Variants in RINT1 observed in about 807,000 individuals in gnomAD.
RINT1 encodes RAD50 interactor 1.
Under a neutral mutation model 97.7 loss-of-function variants are expected in RINT1, and 75 were observed. The observed-to-expected ratio is 0.77, with a 90% CI of 0.64 to 0.93. The LOEUF (loss-of-function observed/expected upper bound fraction) is 0.93, where lower values mean the gene tolerates loss of function less well. Ranked by LOEUF, RINT1 falls within the 40% of genes least tolerant of loss-of-function variation. The pLI, the probability that RINT1 is intolerant of heterozygous loss-of-function variation, is 0.00. For missense variants in RINT1, 892 were observed against 925.2 expected (o/e 0.96, Z 0.47); for synonymous variants, 303 against 326.3 (o/e 0.93, Z 0.77).
Position 105,550,404 on chromosome 7 carries a change from C to G in RINT1, c.1251C>G (p.Gly417=). 1 of 1,614,122 alleles carries G rather than the reference C, an allele frequency of 6.2e-7. No homozygotes were observed. Residue 417 remains glycine, a synonymous_variant, in exon 9 of 15, where the codon GGC becomes GGG. Coordinates refer to ENST00000257700, the MANE Select transcript of RINT1 (RefSeq NM_021930.6). The part of the protein sequence containing the change: ...LFERELHSVH[G]YPGTFASCMH... ...AAAGGGAGCTACACAGTGTTCATGG[C>G]TATCCTGGCACTTTTGCTAGTTGTA...
At chr7:105,544,890 T>C (rs1040800678) in intron 4 of RINT1, among the ~76,000 whole-genome samples, 5 of 152,220 alleles carry the variant, frequency 3.3e-5, no homozygotes, top group African/African-American at 1.2e-4. Context: ...TGATAATCTC[T>C]CCATTTCCAG....
chr7:105,553,658 C>T (rs1325164853), intron 10 of RINT1, among the ~76,000 whole-genome samples: 2 of 150,378 alleles, frequency 1.3e-5, no homozygotes, highest in Admixed American at 6.6e-5. Flanking sequence ...GGTGATCCAC[C>T]TGCCTCGGCC....
chr7:105,536,685 CT>C lies in RINT1; in HGVS notation c.212del (p.Leu71Ter), dbSNP rs1298608453. 1 of 1,612,334 alleles carries C rather than the reference CT, an allele frequency of 6.2e-7. No homozygotes were observed. Among genetic ancestry groups the C allele is most frequent in the Non-Finnish European group, 8.5e-7 (1 of 1,179,238 alleles). Reference protein sequence around the residue: ...IEKEVGNDLKSLKKLDKLIEQ... With the variant: ...IEKEVGNDLKXLKKLDKLIEQ... Reference sequence around the variant, plus strand: ...AAGGAAGTTGGAAATGACCTTAAATCTTTAAAGAAACTTGATAAACTCATAG... The same window carrying C: ...AAGGAAGTTGGAAATGACCTTAAATCTTAAAGAAACTTGATAAACTCATAG... On this transcript the variant is annotated frameshift_variant, in exon 3 of 15. Coordinates refer to ENST00000257700, the MANE Select transcript of RINT1 (RefSeq NM_021930.6). LOFTEE classifies it high-confidence loss of function.
At position 105,558,079 on chromosome 7, in the gene RINT1, C is replaced by T. The variant is rs143286634; in HGVS notation, c.1671+2852C>T. On this transcript the variant is annotated intron_variant, in intron 11 of 14. Coordinates refer to ENST00000257700, the MANE Select transcript of RINT1 (RefSeq NM_021930.6). ...CCTGTAATCCCAACACTTTGGGAGGCCAAGGTGTGTGGATCACCTGAGGTC... is the reference window on the plus strand; with the variant it reads ...CCTGTAATCCCAACACTTTGGGAGGTCAAGGTGTGTGGATCACCTGAGGTC... 6.9e-3 allele frequency among the ~76,000 whole-genome samples: 1,046 copies of T among 152,122 alleles called. 3 individuals carry two copies. Among genetic ancestry groups the T allele is most frequent in the Non-Finnish European group, 0.011 (752 of 68,002 alleles).
chr7:105,550,707 A>G (rs901901134), intron 9 of RINT1, among the ~76,000 whole-genome samples: 1 of 152,148 alleles, frequency 6.6e-6, no homozygotes, highest in African/African-American at 2.4e-5. Flanking sequence ...GGAATAGTCA[A>G]GCCAGTGGGG....
At chr7:105,543,641 G>C (rs1790547143) in intron 4 of RINT1, among the ~76,000 whole-genome samples, 1 of 152,154 alleles carries the variant, frequency 6.6e-6, no homozygotes, top group Non-Finnish European at 1.5e-5. Flanking sequence ...ACCTGAGGGA[G>C]AAAAGTCTTC....
chr7:105,558,662 A>G (rs937654098), intron 11 of RINT1, among the ~76,000 whole-genome samples: 1 of 152,130 alleles, frequency 6.6e-6, no homozygotes, highest in African/African-American at 2.4e-5. Flanking sequence ...CATCTCTACA[A>G]AAAATACAAA....
intron 10 of RINT1, 37 bp downstream of exon 10, chr7:105,551,744 A>G: frequency 6.4e-7 from 1 of 1,550,994 alleles, no homozygotes; most frequent in Non-Finnish European, 8.8e-7. Flanking sequence ...TTGTTTTAAA[A>G]GTACTGTTTT....
intron 8 of RINT1, 30 bp from the exon 9 acceptor site, chr7:105,550,231 T>C: frequency 2.5e-6 from 4 of 1,609,164 alleles, no homozygotes; most frequent in Non-Finnish European, 3.4e-6. Context: ...ACTTTTTATT[T>C]ACATACCTCA....
rs561478954 is a variant in RINT1, at chr7:105,543,300, A to G, written c.515+651A>G. Among the ~76,000 whole-genome samples the G allele has an allele frequency of 5.9e-5, 9 of 152,330 alleles. No individual in the cohort carries two copies. In the East Asian group the frequency reaches 1.7e-3, roughly 29 times the overall value. On this transcript the variant is annotated intron_variant, in intron 4 of 14. Transcript: ENST00000257700. ...TAATAGTTATTCTTATTTAATTTTTAGAACTGGTCAGTTAATGAAATGGAT... is the reference window on the plus strand; with the variant it reads ...TAATAGTTATTCTTATTTAATTTTTGGAACTGGTCAGTTAATGAAATGGAT...
chr7:105,534,558 A>T (rs1034266112), intron 2 of RINT1, among the ~76,000 whole-genome samples: 5 of 149,304 alleles, frequency 3.3e-5, no homozygotes, highest in Admixed American at 2.7e-4. Flanking sequence ...TTAATATTAT[A>T]TATAATTATA....
chr7:105,557,202 A>G (rs1791217520), intron 11 of RINT1, among the ~76,000 whole-genome samples: 1 of 152,064 alleles, frequency 6.6e-6, no homozygotes, highest in South Asian at 2.1e-4. Context: ...TATAAAATAT[A>G]TAATTGTGTC....
At chr7:105,557,229 A>G (rs1488488124) in intron 11 of RINT1, among the ~76,000 whole-genome samples, 1 of 152,096 alleles carries the variant, frequency 6.6e-6, no homozygotes, top group South Asian at 2.1e-4. Context: ...TGAAAACAGA[A>G]AGGTAAACAA....
chr7:105,550,464 A>C lies in RINT1; in HGVS notation c.1311A>C (p.Arg437Ser), dbSNP rs1790881746. The C allele has an allele frequency of 6.2e-7, 1 of 1,613,854 alleles. No homozygotes were observed. The highest frequency in any genetic ancestry group is 8.5e-7 in the Non-Finnish European group (1 of 1,179,888). Residue 437 changes from arginine to serine, a missense_variant, in exon 9 of 15, where the codon AGA becomes AGC. Coordinates refer to ENST00000257700, the MANE Select transcript of RINT1 (RefSeq NM_021930.6). The stretch of plus-strand genomic sequence containing the variant: ...TATCAGAGGAAACCTGTTTTCAGAG[A>C]TGGTTGACGGTGGAGAGAAAATGTA... ...HILSEETCFQ[R>S]WLTVERKFAL...
chr7:105,532,769 C>T, intron 1 of RINT1, 55 bp from the exon 2 acceptor site: 3 of 1,585,658 alleles, frequency 1.9e-6, no homozygotes, highest in South Asian at 1.1e-5. Context: ...GCCCCGTATG[C>T]TTTCCATCCA....
chr7:105,564,032 A>G, intron 12 of RINT1, 85 bp downstream of exon 12: 1 of 948,952 alleles, frequency 1.1e-6, no homozygotes, highest in East Asian at 2.5e-5. Context: ...GTGTCTAGAT[A>G]GAACCCGGTT....
intron 10 of RINT1, among the ~76,000 whole-genome samples, chr7:105,552,350 T>G (rs1159805207): frequency 6.6e-6 from 1 of 152,222 alleles, no homozygotes; most frequent in Non-Finnish European, 1.5e-5. Context: ...AAATATTGTC[T>G]TGATCTTGAT....
chr7:105,536,457 CA>C, intron 2 of RINT1, 107 bp from the exon 3 acceptor site: 1 of 814,358 alleles, frequency 1.2e-6, no homozygotes, highest in Non-Finnish European at 1.8e-6. Context: ...CCGTGCCTGG[CA>C]AAATTATTAA....
intron 10 of RINT1, among the ~76,000 whole-genome samples, chr7:105,554,357 G>T (rs1791079824): frequency 6.6e-6 from 1 of 151,598 alleles, no homozygotes; most frequent in Non-Finnish European, 1.5e-5. Flanking sequence ...TCTTAAATGT[G>T]TATCTTTTAA....
Sources: allele counts gnomAD v4.1 joint callset (sites outside exome capture counted in the v4.1 genomes callset), GRCh38; gene constraint gnomAD v4.1.1; transcripts MANE v1.5; gene names NCBI Gene and HGNC (gene_info 2026-07-23, HGNC 2026-07-21).